KIRREL3: variants seen among roughly 807,000 people sequenced by gnomAD.
KIRREL3 encodes the protein kin of IRRE-like protein 3.
KIRREL3 carries 36 observed loss-of-function variants against 89.7 expected under a neutral mutation model. The observed-to-expected ratio is 0.40, with a 90% CI of 0.31 to 0.53. The LOEUF (loss-of-function observed/expected upper bound fraction) is 0.53, where lower values mean the gene tolerates loss of function less well. Among genes scored for constraint, KIRREL3 ranks in the 20% least tolerant of loss-of-function variants. The probability of loss-of-function intolerance (pLI) is 0.49; values close to 1 mark genes in which losing one functional copy is unlikely to be tolerated. For missense variants in KIRREL3, 864 were observed against 1,056.6 expected (o/e 0.82, Z 2.53); for synonymous variants, 445 against 441.4 (o/e 1.01, Z -0.10).
rs1340388892 is a variant in KIRREL3, at chr11:126,555,245, C to T, written c.133+7590G>A. 9.2e-5 allele frequency among the ~76,000 whole-genome samples: 14 copies of T among 152,192 alleles called. No individual in the cohort carries two copies. The highest frequency in any genetic ancestry group is 4.6e-4 in the Admixed American group (7 of 15,284). ...TGGTTCCTGCACTTGCTTGCTCACA[C>T]ACTCCCTCTCTCAAGCAGTGGCCAG... On this transcript the variant is annotated intron_variant, in intron 2 of 16. Transcript: ENST00000525144. The surrounding 1 kb of genome is among the most constrained non-coding windows in gnomAD (Gnocchi z 4.2).
In KIRREL3 at chr11:126,872,799, T is replaced by A. The variant is rs944467131; in HGVS notation, c.55+127656A>T. Among the ~76,000 whole-genome samples, 1 of 152,112 alleles carries A rather than the reference T, an allele frequency of 6.6e-6. No homozygotes were observed. ...GATACTGATCAGCTCTCCATTTCCA[T>A]AGTGTGTTGAATAATACCCCATGAC... On this transcript the variant is annotated intron_variant, in intron 1 of 16. Coordinates refer to ENST00000525144, the MANE Select transcript of KIRREL3 (RefSeq NM_032531.4). This position sits in a 1 kb window ranked among gnomAD's most constrained non-coding sequence, Gnocchi z 4.2.
At position 126,612,327 on chromosome 11, in the gene KIRREL3, C is replaced by A. The variant is rs2134799514; in HGVS notation, c.56-49415G>T. ...AGAATTTGAGTATTATATGGACACC[C>A]CTGGCATAGAATAAATGCTCCCTCA... On this transcript the variant is annotated intron_variant, in intron 1 of 16. Coordinates refer to ENST00000525144, the MANE Select transcript of KIRREL3 (RefSeq NM_032531.4). This position sits in a 1 kb window ranked among gnomAD's most constrained non-coding sequence, Gnocchi z 4.5. Among the ~76,000 whole-genome samples, 1 of 151,674 alleles carries A rather than the reference C, an allele frequency of 6.6e-6. No individual in the cohort carries two copies. Among genetic ancestry groups the A allele is most frequent in the African/African-American group, 2.4e-5 (1 of 41,328 alleles).
At chr11:126,560,729 T>C (rs1257183184) in intron 2 of KIRREL3, among the ~76,000 whole-genome samples, 1 of 152,258 alleles carries the variant, frequency 6.6e-6, no homozygotes, top group Non-Finnish European at 1.5e-5. Flanking sequence ...GTAGGTCTTT[T>C]ATATTTATTC....
At position 126,636,467 on chromosome 11, in the gene KIRREL3, T is replaced by C. The variant is rs576105673; in HGVS notation, c.56-73555A>G. 3.3e-5 allele frequency among the ~76,000 whole-genome samples: 5 copies of C among 152,288 alleles called. No individual in the cohort carries two copies. The highest frequency in any genetic ancestry group is 9.6e-5 in the African/African-American group (4 of 41,552). ...GCCCAAACCTTGGAATTAACCCTGA[T>C]AGAAAAAAGGCATAAAGCCACTGGA... On this transcript the variant is annotated intron_variant, in intron 1 of 16. Transcript: ENST00000525144. The surrounding 1 kb of genome is among the most constrained non-coding windows in gnomAD (Gnocchi z 4.4).
chr11:126,983,679 C>T lies in KIRREL3; in HGVS notation c.55+16776G>A, dbSNP rs577048495. 5.3e-4 allele frequency among the ~76,000 whole-genome samples: 81 copies of T among 152,286 alleles called. 1 individual carries two copies. The highest frequency in any genetic ancestry group is 7.5e-4 in the Non-Finnish European group (51 of 68,016). On this transcript the variant is annotated intron_variant, in intron 1 of 16. Coordinates refer to ENST00000525144, the MANE Select transcript of KIRREL3 (RefSeq NM_032531.4). The surrounding 1 kb of genome is among the most constrained non-coding windows in gnomAD (Gnocchi z 4.9). ...CAGAAAAGGCCAAGAAATTGATTTT[C>T]CCTATAGCCTCCAGAAAGAAACAGC...
intron 1 of KIRREL3, among the ~76,000 whole-genome samples, chr11:126,716,687 T>C (rs1323478805): frequency 7.7e-6 from 1 of 129,808 alleles, no homozygotes; most frequent in Non-Finnish European, 1.5e-5. Flanking sequence ...ATCTGAAAAC[T>C]GGCCATATCA....
At chr11:126,963,785 A>G (rs1442633560) in intron 1 of KIRREL3, among the ~76,000 whole-genome samples, 1 of 152,176 alleles carries the variant, frequency 6.6e-6, no homozygotes, top group African/African-American at 2.4e-5. Context: ...ACTACAAACA[A>G]TGAGTTACTT....
intron 1 of KIRREL3, among the ~76,000 whole-genome samples, chr11:126,735,613 G>T (rs928809106): frequency 1.3e-5 from 2 of 152,358 alleles, no homozygotes; most frequent in East Asian, 3.9e-4. Flanking sequence ...GTAACAGGCA[G>T]CTGTCAGGCC....
chr11:126,737,401 T>A (rs1175273846), intron 1 of KIRREL3, among the ~76,000 whole-genome samples: 1 of 151,998 alleles, frequency 6.6e-6, no homozygotes, highest in Admixed American at 6.5e-5. Context: ...CCCCCTCCTC[T>A]GTCATGCCTG....
At chr11:126,646,363 C>A (rs1478635498) in intron 1 of KIRREL3, among the ~76,000 whole-genome samples, 2 of 152,144 alleles carry the variant, frequency 1.3e-5, no homozygotes, top group Non-Finnish European at 2.9e-5. Flanking sequence ...CTGCAGTTGA[C>A]CTCTTGAAAC....
chr11:126,951,612 C>G (rs1435442938), intron 1 of KIRREL3, among the ~76,000 whole-genome samples: 1 of 152,182 alleles, frequency 6.6e-6, no homozygotes, highest in Non-Finnish European at 1.5e-5. Context: ...GGGTATAAGG[C>G]TGAGGCCCCA....
At chr11:126,702,795 G>C (rs1947361403) in intron 1 of KIRREL3, among the ~76,000 whole-genome samples, 1 of 152,196 alleles carries the variant, frequency 6.6e-6, no homozygotes, top group Non-Finnish European at 1.5e-5. Context: ...TCTGCAGAGA[G>C]TGTGTGTGTC....
At chr11:126,834,624 C>G (rs546626130) in intron 1 of KIRREL3, among the ~76,000 whole-genome samples, 1 of 152,206 alleles carries the variant, frequency 6.6e-6, no homozygotes, top group Non-Finnish European at 1.5e-5. Context: ...GAAATTCTGA[C>G]GTCTAAGAGT....
chr11:126,933,938 T>A (rs535401933), intron 1 of KIRREL3, among the ~76,000 whole-genome samples: 21 of 151,500 alleles, frequency 1.4e-4, no homozygotes, highest in Admixed American at 6.6e-4. Flanking sequence ...GGCTTTTTTC[T>A]CCCCTAAAAT....
intron 4 of KIRREL3, among the ~76,000 whole-genome samples, chr11:126,511,115 C>T (rs986580927): frequency 6.6e-6 from 1 of 151,300 alleles, no homozygotes; most frequent in South Asian, 2.1e-4. Flanking sequence ...GCCTCCATCT[C>T]TAGAGTCTGC....
chr11:126,643,100 G>A lies in KIRREL3; in HGVS notation c.56-80188C>T, dbSNP rs559660193. ...ATGTCATGAGCACTGGAATCAGATTGGAAAACTGAGTCTGCCACTTACTAA... is the reference window on the plus strand; with the variant it reads ...ATGTCATGAGCACTGGAATCAGATTAGAAAACTGAGTCTGCCACTTACTAA... On this transcript the variant is annotated intron_variant, in intron 1 of 16. Coordinates refer to ENST00000525144, the MANE Select transcript of KIRREL3 (RefSeq NM_032531.4). The surrounding 1 kb of genome is among the most constrained non-coding windows in gnomAD (Gnocchi z 4.5). Among the ~76,000 whole-genome samples the A allele has an allele frequency of 2.0e-4, 31 of 152,270 alleles. No individual in the cohort carries two copies. Among genetic ancestry groups the A allele is most frequent in the African/African-American group, 7.5e-4 (31 of 41,564 alleles).
chr11:126,711,988 C>T (rs893277759), intron 1 of KIRREL3, among the ~76,000 whole-genome samples: 1 of 152,232 alleles, frequency 6.6e-6, no homozygotes, highest in African/African-American at 2.4e-5. Flanking sequence ...AAGGCCACTC[C>T]ACAGTGGCGC....
intron 16 of KIRREL3, 84 bp downstream of exon 16, chr11:126,425,554 T>A (rs982975701): frequency 4.1e-5 from 49 of 1,194,934 alleles, no homozygotes; most frequent in Non-Finnish European, 2.4e-6. Flanking sequence ...TTGCTGTCAT[T>A]TGTTGTATAG....
rs1946604522 is a variant in KIRREL3, at chr11:126,906,785, T to C, written c.55+93670A>G. On this transcript the variant is annotated intron_variant, in intron 1 of 16. Transcript: ENST00000525144. The surrounding 1 kb of genome is among the most constrained non-coding windows in gnomAD (Gnocchi z 4.1). ...CTGTAGCCCACAGTGCAAGGCTGCC[T>C]GTGGCTTCTTCCTGGGACGTCTGCT... Among the ~76,000 whole-genome samples the C allele has an allele frequency of 6.6e-6, 1 of 152,218 alleles. No homozygotes were observed. Among genetic ancestry groups the C allele is most frequent in the Admixed American group, 6.5e-5 (1 of 15,282 alleles).
Sources: gnomAD v4.1 joint callset for allele counts (sites outside exome capture counted in the v4.1 genomes callset) on GRCh38, gnomAD v4.1.1 for gene constraint, Gnocchi (gnomAD v3.1) non-coding constraint, MANE v1.5 for transcripts, NCBI Gene and HGNC (gene_info 2026-07-23, HGNC 2026-07-21) for gene names.